ATIC: variants seen among roughly 807,000 people sequenced by gnomAD.
The protein encoded by ATIC is bifunctional purine biosynthesis protein ATIC.
Under a neutral mutation model 72.5 loss-of-function variants are expected in ATIC, and 64 were observed. That is an observed-to-expected ratio of 0.88 (90% CI 0.72 to 1.09). The LOEUF (loss-of-function observed/expected upper bound fraction) is 1.09. Among genes scored for constraint, ATIC ranks in the 50% least tolerant of loss-of-function variants. The probability of loss-of-function intolerance (pLI) is 0.00; values close to 1 mark genes in which losing one functional copy is unlikely to be tolerated. For synonymous variants in ATIC, 281 were observed against 267.1 expected, an observed-to-expected ratio of 1.05 and a Z score of -0.51; for missense variants, 787 against 732.4, an observed-to-expected ratio of 1.07 and a Z score of -0.86.
downstream of ATIC, among the ~76,000 whole-genome samples, chr2:215,354,739 G>T (rs2053153742): frequency 6.7e-6 from 1 of 149,154 alleles, no homozygotes; most frequent in African/African-American, 2.5e-5. Context: ...CATCTTTCTA[G>T]CTTTGTTTTA....
intron 13 of ATIC, chr2:215,345,228 A>G (rs17448447): frequency 0.3 from 101,663 of 335,926 alleles, 17,213 homozygotes; most frequent in South Asian, 0.46. Context: ...ACTGCCACCC[A>G]CCAGCCTATA....
In ATIC at chr2:215,325,278, G is replaced by T. The variant is rs1165882176; in HGVS notation, c.328G>T (p.Val110Leu). Reference sequence around the variant, plus strand: ...CAATCTCTATCCCTTTGTAAAGACAGTGGCTTCTCCAGGTGTAACTGTTGA... The same window carrying T: ...CAATCTCTATCCCTTTGTAAAGACATTGGCTTCTCCAGGTGTAACTGTTGA... ...ACNLYPFVKT[V>L]ASPGVTVEEA... The change falls in exon 5 of 16, where the codon GTG (valine) becomes TTG (leucine). Residue 110 changes from valine (V) to leucine (L), a missense_variant. Transcript: ENST00000236959. 1 of 1,613,960 alleles carries T rather than the reference G, an allele frequency of 6.2e-7. No homozygotes were observed. The highest frequency in any genetic ancestry group is 1.7e-5 in the Admixed American group (1 of 60,016).
At chr2:215,327,690 G>A (rs1257545293) in intron 7 of ATIC, among the ~76,000 whole-genome samples, 1 of 152,156 alleles carries the variant, frequency 6.6e-6, no homozygotes, top group Non-Finnish European at 1.5e-5. Context: ...CACTACCGGT[G>A]CAGCTGGCCT....
In ATIC at chr2:215,349,522, T is replaced by C; in HGVS notation, c.1660-14T>C. ...CATAAAATCGCGTTTTGAAAATCAA[T>C]ATACTTCCCCCAGAGTGGTGTGGCG... On this transcript the variant is annotated splice_polypyrimidine_tract_variant and intron_variant, in intron 15 of 15. Transcript: ENST00000236959. 3 of 1,614,172 alleles carry C rather than the reference T, an allele frequency of 1.9e-6. No individual in the cohort carries two copies. Among genetic ancestry groups the C allele is most frequent in the Non-Finnish European group, 2.5e-6 (3 of 1,180,034 alleles).
intron 3 of ATIC, among the ~76,000 whole-genome samples, chr2:215,318,515 T>A (rs547917143): frequency 2.0e-5 from 3 of 152,340 alleles, no homozygotes; most frequent in African/African-American, 7.2e-5. Context: ...GCTGAAGATA[T>A]TTAGATTTCA....
intron 2 of ATIC, among the ~76,000 whole-genome samples, chr2:215,313,748 A>T (rs1054397301): frequency 1.3e-5 from 2 of 152,140 alleles, no homozygotes; most frequent in Non-Finnish European, 2.9e-5. Context: ...ACAAGTTCAG[A>T]TGGTAAGAAT....
At chr2:215,366,896 A>T in the ATIC span, among the ~76,000 whole-genome samples, 5 of 152,216 alleles carry the variant, frequency 3.3e-5, no homozygotes, top group African/African-American at 1.2e-4. Flanking sequence ...CCAGCTCCTA[A>T]ACAGCATGTG....
In ATIC at chr2:215,325,204, C is replaced by T. The variant is rs78089903; in HGVS notation, c.291-37C>T. 4,512 of 1,551,086 alleles carry T rather than the reference C, an allele frequency of 2.9e-3. 98 individuals are homozygous for T. The African/African-American group carries it at 0.052, about 18-fold the overall frequency. ...GATAGCTGTAAACCACATGAGTGGA[C>T]TTTTTAATGACAGCCAGATTCGTCT... On this transcript the variant is annotated intron_variant, in intron 4 of 15. Coordinates refer to ENST00000236959, the MANE Select transcript of ATIC (RefSeq NM_004044.7).
intron 13 of ATIC, 140 bp from the exon 14 acceptor site, chr2:215,346,619 T>TA: frequency 1.0e-6 from 1 of 966,972 alleles, no homozygotes; most frequent in Non-Finnish European, 1.6e-6. Context: ...ACTTAAAAAT[T>TA]ATTTATATTT....
At chr2:215,343,103 AATGG>A (rs1397788307) in intron 12 of ATIC, among the ~76,000 whole-genome samples, 1 of 151,420 alleles carries the variant, frequency 6.6e-6, no homozygotes, top group Non-Finnish European at 1.5e-5. Flanking sequence ...TCCCACCAGC[AATGG>A]ATGAGTGATC....
At chr2:215,341,272 T>A (rs938467286) in intron 12 of ATIC, among the ~76,000 whole-genome samples, 30 of 152,256 alleles carry the variant, frequency 2.0e-4, no homozygotes, top group African/African-American at 7.2e-4. Flanking sequence ...GGTTGGTTCA[T>A]GTACTTTGAA....
intron 13 of ATIC, among the ~76,000 whole-genome samples, chr2:215,346,074 A>G (rs547603227): frequency 1.3e-5 from 2 of 152,316 alleles, no homozygotes; most frequent in South Asian, 2.1e-4. Context: ...CTGAGAGTTG[A>G]TATTTTAACT....
chr2:215,364,568 T>G, the ATIC span: 1 of 448,046 alleles, frequency 2.2e-6, no homozygotes, highest in Non-Finnish European at 4.1e-6. Context: ...CTAGGGAGCT[T>G]AGGAAAATGA....
At chr2:215,356,272 A>T in the ATIC span, among the ~76,000 whole-genome samples, 1 of 152,212 alleles carries the variant, frequency 6.6e-6, no homozygotes, top group Non-Finnish European at 1.5e-5. Flanking sequence ...AGTGGAAGAT[A>T]ACCTATGGAA....
At chr2:215,354,319 C>A (rs1449417042), downstream of ATIC, among the ~76,000 whole-genome samples, 1 of 152,178 alleles carries the variant, frequency 6.6e-6, no homozygotes, top group Non-Finnish European at 1.5e-5. Flanking sequence ...TGTGAGCCAC[C>A]ATGCCTTCTC....
At chr2:215,360,523 G>A in the ATIC span, 1 of 152,204 alleles carries the variant, frequency 6.6e-6, no homozygotes, top group African/African-American at 2.4e-5. Flanking sequence ...TTCAATGAAG[G>A]AAAGGTGGAG....
chr2:215,361,393 T>C, the ATIC span: 1 of 734,042 alleles, frequency 1.4e-6, no homozygotes, highest in African/African-American at 1.7e-5. Flanking sequence ...CCCAGGGTGA[T>C]GCTTGGAGAA....
chr2:215,357,826 C>T, the ATIC span, among the ~76,000 whole-genome samples: 4,636 of 151,000 alleles, frequency 0.031, 236 homozygotes, highest in African/African-American at 0.1. Context: ...TGTTTCCAAA[C>T]ATGGGAAGTC....
the ATIC span, among the ~76,000 whole-genome samples, chr2:215,358,598 T>C: frequency 1.3e-5 from 2 of 152,238 alleles, no homozygotes; most frequent in African/African-American, 4.8e-5. Context: ...CAAAACTCTA[T>C]ACTATGCTAT....
Sources: allele counts gnomAD v4.1 joint callset (sites outside exome capture counted in the v4.1 genomes callset), GRCh38; gene constraint gnomAD v4.1.1; transcripts MANE v1.5; gene names NCBI Gene and HGNC (gene_info 2026-07-23, HGNC 2026-07-21).